OSBPL10: variants seen among roughly 807,000 people sequenced by gnomAD.
OSBPL10 encodes oxysterol-binding protein-related protein 10.
A neutral mutation model predicts 81.7 loss-of-function variants in OSBPL10; 49 were observed. The observed-to-expected ratio is 0.60, with a 90% CI of 0.48 to 0.76. The LOEUF is 0.76. Ranked by LOEUF, OSBPL10 falls within the 30% of genes least tolerant of loss-of-function variation. OSBPL10 has a pLI of 0.00. For synonymous variants in OSBPL10, 419 were observed against 383.6 expected, an observed-to-expected ratio of 1.09 and a Z score of -1.08; for missense variants, 923 against 987.8, an observed-to-expected ratio of 0.93 and a Z score of 0.88.
At chr3:31,890,088 CAAG>C (rs1695851668) in intron 1 of OSBPL10, among the ~76,000 whole-genome samples, 1 of 151,706 alleles carries the variant, frequency 6.6e-6, no homozygotes, top group East Asian at 1.9e-4. Flanking sequence ...ATGTGAATTT[CAAG>C]AAGTTTTCCA....
At chr3:31,765,393 G>A (rs556832298) in intron 4 of OSBPL10, among the ~76,000 whole-genome samples, 85 of 152,078 alleles carry the variant, frequency 5.6e-4, no homozygotes, top group African/African-American at 2.0e-3. Context: ...CCAGGCTCTC[G>A]GTGCCACTTT....
intron 7 of OSBPL10, among the ~76,000 whole-genome samples, chr3:31,691,713 C>G (rs1171021408): frequency 6.6e-6 from 1 of 152,014 alleles, no homozygotes; most frequent in East Asian, 1.9e-4. Context: ...CCTGAGTTGT[C>G]TCTTTAAAGA....
intron 3 of OSBPL10, among the ~76,000 whole-genome samples, chr3:31,850,440 C>T (rs1700736253): frequency 1.3e-5 from 2 of 152,144 alleles, no homozygotes; most frequent in African/African-American, 4.8e-5. Flanking sequence ...GACCCCACTT[C>T]CCCCTTTGTT....
At chr3:31,663,382 G>A (rs1700113083) in intron 11 of OSBPL10, 1 of 985,910 alleles carries the variant, frequency 1.0e-6, no homozygotes, top group African/African-American at 1.7e-5. Flanking sequence ...GGGTTCCTGT[G>A]GGCCTGCTTT....
At chr3:31,726,040 G>A (rs946627084) in intron 6 of OSBPL10, among the ~76,000 whole-genome samples, 1 of 152,138 alleles carries the variant, frequency 6.6e-6, no homozygotes, top group African/African-American at 2.4e-5. Context: ...GGGTACATCG[G>A]GGTATAGCAG....
At chr3:31,765,797 G>A (rs1328980927) in intron 4 of OSBPL10, among the ~76,000 whole-genome samples, 1 of 152,100 alleles carries the variant, frequency 6.6e-6, no homozygotes, top group African/African-American at 2.4e-5. Context: ...CAGGGGACAA[G>A]GTTTCATATT....
chr3:32,036,875 G>C (rs1458974787), intron 2 of OSBPL10, among the ~76,000 whole-genome samples: 1 of 151,562 alleles, frequency 6.6e-6, no homozygotes, highest in African/African-American at 2.4e-5. Context: ...ATACTCACTC[G>C]GCTCTTGAAC....
In OSBPL10 at chr3:31,728,345, C is replaced by A. The variant is rs1056005614; in HGVS notation, c.1095+4912G>T. ...GCTATTGAGGAACAGGCTTAAAAACCCTCTGCTTAGTCTCCAGGGGTGGGA... is the reference window on the plus strand; with the variant it reads ...GCTATTGAGGAACAGGCTTAAAAACACTCTGCTTAGTCTCCAGGGGTGGGA... On this transcript the variant is annotated intron_variant, in intron 6 of 11. Coordinates refer to ENST00000396556, the MANE Select transcript of OSBPL10 (RefSeq NM_017784.5). Among the ~76,000 whole-genome samples the A allele has an allele frequency of 1.2e-4, 18 of 152,248 alleles. No individual in the cohort carries two copies. The South Asian group carries it at 1.9e-3, about 16-fold the overall frequency.
At chr3:31,790,621 C>T (rs1356710778) in intron 4 of OSBPL10, among the ~76,000 whole-genome samples, 1 of 152,176 alleles carries the variant, frequency 6.6e-6, no homozygotes, top group Non-Finnish European at 1.5e-5. Context: ...GCAGGTGGGG[C>T]TGCCACTGAG....
intron 1 of OSBPL10, among the ~76,000 whole-genome samples, chr3:31,980,696 G>A (rs147837951): frequency 1.6e-3 from 239 of 152,302 alleles, no homozygotes; most frequent in Non-Finnish European, 2.5e-3. Context: ...GTCCCGGGGT[G>A]GAGCCACGGC....
In OSBPL10 at chr3:31,693,776, A is replaced by C. The variant is rs1445063883; in HGVS notation, c.1245+8583T>G. On this transcript the variant is annotated intron_variant, in intron 7 of 11. Coordinates refer to ENST00000396556, the MANE Select transcript of OSBPL10 (RefSeq NM_017784.5). ...ATCTGGTCTTTTATTTAATTAAATAAAATTTTTTTAAGATAAGGTCTTGCT... is the reference window on the plus strand; with the variant it reads ...ATCTGGTCTTTTATTTAATTAAATACAATTTTTTTAAGATAAGGTCTTGCT... 3.9e-5 allele frequency among the ~76,000 whole-genome samples: 6 copies of C among 152,298 alleles called. No individual in the cohort carries two copies. The East Asian group carries it at 1.2e-3, about 29-fold the overall frequency.
At chr3:32,009,370 T>C (rs935396961) in intron 2 of OSBPL10, among the ~76,000 whole-genome samples, 4 of 152,162 alleles carry the variant, frequency 2.6e-5, no homozygotes, top group African/African-American at 9.7e-5. Flanking sequence ...CACGCATGAG[T>C]CTTCAAATCC....
chr3:31,941,248 C>G lies in OSBPL10; in HGVS notation c.281+39651G>C, dbSNP rs188656688. Among the ~76,000 whole-genome samples, 84 of 152,182 alleles carry G rather than the reference C, an allele frequency of 5.5e-4. 1 individual carries two copies. Among genetic ancestry groups the G allele is most frequent in the Admixed American group, 9.2e-4 (14 of 15,286 alleles). The stretch of plus-strand genomic sequence containing the variant: ...ACAGGAGACTGTATTATATCAAGAT[C>G]CGGTGCAAACAAAAAAGAAAAGCAA... On this transcript the variant is annotated intron_variant, in intron 1 of 11. Transcript: ENST00000396556.
chr3:31,983,740 C>T (rs1698895289), upstream of OSBPL10, among the ~76,000 whole-genome samples: 1 of 152,130 alleles, frequency 6.6e-6, no homozygotes, highest in African/African-American at 2.4e-5. Flanking sequence ...CCTTGACCTA[C>T]CGTAGTATAG....
At chr3:31,876,927 G>A (rs1331991990) in intron 2 of OSBPL10, among the ~76,000 whole-genome samples, 4 of 135,848 alleles carry the variant, frequency 2.9e-5, no homozygotes, top group African/African-American at 1.1e-4. Flanking sequence ...TTTTTGAGAC[G>A]GAGTCTCGCT....
intron 1 of OSBPL10, among the ~76,000 whole-genome samples, chr3:31,971,691 CTAAGTG>C (rs1311523092): frequency 4.6e-5 from 7 of 152,204 alleles, no homozygotes; most frequent in Non-Finnish European, 7.3e-5. Context: ...CATAAGAAAT[CTAAGTG>C]TAATTATAGG....
chr3:32,048,468 C>T (rs545146131), intron 1 of OSBPL10, among the ~76,000 whole-genome samples: 11 of 152,176 alleles, frequency 7.2e-5, no homozygotes, highest in Admixed American at 6.5e-4. Flanking sequence ...CCACCATGCC[C>T]GGCTAATTTT....
rs988480268 is a variant in OSBPL10, at chr3:31,737,712, C to T, written c.941-4301G>A. 2.6e-5 allele frequency among the ~76,000 whole-genome samples: 4 copies of T among 152,212 alleles called. No individual in the cohort carries two copies. In the South Asian group the frequency reaches 6.2e-4, roughly 24 times the overall value. ...TGAGGCAGAAGACAATAGAGAAAAGCTGGGTGCAGTGGCTCATTCCTGTAA... is the reference window on the plus strand; with the variant it reads ...TGAGGCAGAAGACAATAGAGAAAAGTTGGGTGCAGTGGCTCATTCCTGTAA... On this transcript the variant is annotated intron_variant, in intron 5 of 11. Transcript: ENST00000396556.
intron 5 of OSBPL10, among the ~76,000 whole-genome samples, chr3:31,747,614 C>T (rs536948592): frequency 6.6e-6 from 1 of 151,338 alleles, no homozygotes; most frequent in South Asian, 2.1e-4. Context: ...ATGTTAGTTA[C>T]ATTTTTCATA....
Sources: allele counts gnomAD v4.1 joint callset (sites outside exome capture counted in the v4.1 genomes callset), GRCh38; gene constraint gnomAD v4.1.1; transcripts MANE v1.5; gene names NCBI Gene and HGNC (gene_info 2026-07-23, HGNC 2026-07-21).